MAST2: variants seen among roughly 807,000 people sequenced by gnomAD.
MAST2 encodes the protein microtubule-associated serine/threonine-protein kinase 2.
MAST2 carries 70 observed loss-of-function variants against 147.4 expected under a neutral mutation model. The ratio of observed to expected loss-of-function variants is 0.47; its 90% CI spans 0.39 to 0.58. The LOEUF (loss-of-function observed/expected upper bound fraction) is 0.58. Among genes scored for constraint, MAST2 ranks in the 20% least tolerant of loss-of-function variants. MAST2 has a pLI of 0.00. For missense variants in MAST2, 2,080 were observed against 2,302.3 expected (o/e 0.90, Z 1.98); for synonymous variants, 869 against 896.8 (o/e 0.97, Z 0.55).
chr1:45,855,849 G>A (rs1250172814), intron 3 of MAST2, among the ~76,000 whole-genome samples: 1 of 151,452 alleles, frequency 6.6e-6, no homozygotes, highest in Non-Finnish European at 1.5e-5. Flanking sequence ...TTTCTTTATT[G>A]CTCTGGCTAG....
intron 4 of MAST2, among the ~76,000 whole-genome samples, chr1:45,947,836 C>T (rs1658308007): frequency 6.6e-6 from 1 of 152,214 alleles, no homozygotes; most frequent in Non-Finnish European, 1.5e-5. Flanking sequence ...TCTGCCTCAG[C>T]CTCCCGAGTA....
intron 5 of MAST2, among the ~76,000 whole-genome samples, chr1:45,994,600 C>T (rs114721437): frequency 1.1e-4 from 16 of 152,082 alleles, no homozygotes; most frequent in African/African-American, 3.6e-4. Context: ...CTCAAAGCCC[C>T]AACCCTCCAA....
chr1:45,880,650 C>T (rs1308009552), intron 3 of MAST2, among the ~76,000 whole-genome samples: 4 of 151,930 alleles, frequency 2.6e-5, no homozygotes, highest in African/African-American at 7.2e-5. Context: ...ATAAAATAAG[C>T]GAATTTTACA....
At chr1:46,001,463 T>C (rs955996266) in intron 6 of MAST2, among the ~76,000 whole-genome samples, 12 of 152,248 alleles carry the variant, frequency 7.9e-5, no homozygotes, top group Admixed American at 2.0e-4. Flanking sequence ...CCCTGAGTTA[T>C]ACTTGTCTCA....
intron 4 of MAST2, among the ~76,000 whole-genome samples, chr1:45,902,631 G>C (rs1464423787): frequency 6.6e-6 from 1 of 151,354 alleles, no homozygotes; most frequent in Admixed American, 6.6e-5. Context: ...TTGGTTCGTA[G>C]ATTTTTAAAT....
chr1:45,981,427 A>G (rs1474947805), intron 5 of MAST2, among the ~76,000 whole-genome samples: 1 of 151,692 alleles, frequency 6.6e-6, no homozygotes, highest in Non-Finnish European at 1.5e-5. Flanking sequence ...GAATGGGGGA[A>G]TGTTGAGTAG....
chr1:45,838,232 T>G (rs1570311542), intron 3 of MAST2, among the ~76,000 whole-genome samples: 1 of 107,754 alleles, frequency 9.3e-6, no homozygotes. Context: ...TTTTTTTTTT[T>G]TTTTTGAGAT....
chr1:45,829,544 C>A lies in MAST2; in HGVS notation c.431C>A (p.Ser144Tyr), dbSNP rs1644889730. 1.9e-6 allele frequency: 3 copies of A among 1,614,030 alleles called. No homozygotes were observed. The Admixed American group carries it at 5.0e-5, about 27-fold the overall frequency. The change falls in exon 3 of 29, where the codon TCC becomes TAC. Residue 144 changes from serine to tyrosine, a missense_variant. Ser to Tyr is a moderately radical substitution (Grantham distance 144, BLOSUM62 -2). This residue lies in a region of MAST2 where 569 missense variants were observed against 642.5 expected (regional missense o/e 0.89). Coordinates refer to ENST00000361297, the MANE Select transcript of MAST2 (RefSeq NM_015112.3). ...AACCTGGTTCGAATGAGAAACCAGT[C>A]CCTTGGACAGTCTGCACCTTCTCTT... ...ASNLVRMRNQ[S>Y]LGQSAPSLTA... is the part of the protein sequence containing the mutation.
At chr1:45,968,049 C>T (rs1250474949) in intron 5 of MAST2, among the ~76,000 whole-genome samples, 1 of 152,204 alleles carries the variant, frequency 6.6e-6, no homozygotes, top group Non-Finnish European at 1.5e-5. Flanking sequence ...ACATGAACCT[C>T]ACAGGAAATG....
At chr1:45,842,803 C>T (rs753203493) in intron 3 of MAST2, among the ~76,000 whole-genome samples, 2 of 152,064 alleles carry the variant, frequency 1.3e-5, no homozygotes, top group Non-Finnish European at 2.9e-5. Flanking sequence ...TGGGGATATA[C>T]CTGGGGTGGA....
chr1:45,869,462 G>A (rs181669405), intron 3 of MAST2, among the ~76,000 whole-genome samples: 2 of 152,218 alleles, frequency 1.3e-5, no homozygotes, highest in Admixed American at 6.5e-5. Flanking sequence ...TTGGTGGTCT[G>A]GTGACTGTTT....
chr1:45,897,792 G>T (rs921068003), intron 4 of MAST2, among the ~76,000 whole-genome samples: 2 of 151,320 alleles, frequency 1.3e-5, no homozygotes, highest in Non-Finnish European at 2.9e-5. Flanking sequence ...CTGGGCAACA[G>T]AGCAAGACCC....
chr1:45,930,192 C>T (rs1038202302), intron 4 of MAST2, among the ~76,000 whole-genome samples: 2 of 152,050 alleles, frequency 1.3e-5, no homozygotes, highest in African/African-American at 4.8e-5. Context: ...AATTCTCTGC[C>T]TCAGTCTCCC....
intron 3 of MAST2, among the ~76,000 whole-genome samples, chr1:45,850,875 G>T (rs1485267833): frequency 2.1e-5 from 3 of 140,964 alleles, no homozygotes; most frequent in Non-Finnish European, 3.0e-5. Context: ...TAGCCTTATA[G>T]TATAGTCTGA....
At chr1:45,820,893 C>CTTTTTTTTTTTT (rs769508054) in intron 1 of MAST2, among the ~76,000 whole-genome samples, 208 of 43,046 alleles carry the variant, frequency 4.8e-3, no homozygotes, top group Middle Eastern at 0.042. Context: ...CTTTCTTTCT[C>CTTTTTTTTTTTT]TTTTTTTTTT....
At chr1:45,923,090 G>C (rs913825616) in intron 4 of MAST2, among the ~76,000 whole-genome samples, 1 of 152,110 alleles carries the variant, frequency 6.6e-6, no homozygotes. Context: ...GTGCAAGCAC[G>C]GGACCACCCT....
chr1:45,930,989 G>C (rs1023819354), intron 4 of MAST2, among the ~76,000 whole-genome samples: 1 of 152,106 alleles, frequency 6.6e-6, no homozygotes, highest in African/African-American at 2.4e-5. Context: ...CATCAGCCCT[G>C]AACACTTTAG....
chr1:46,024,095 C>T, intron 15 of MAST2, 115 bp downstream of exon 15: 2 of 988,814 alleles, frequency 2.0e-6, no homozygotes, highest in Non-Finnish European at 3.1e-6. Flanking sequence ...GCTTTCCAGT[C>T]CACCTTTGGC....
chr1:45,895,744 C>T (rs1186454380), intron 4 of MAST2, among the ~76,000 whole-genome samples: 2 of 152,146 alleles, frequency 1.3e-5, no homozygotes, highest in African/African-American at 4.8e-5. Flanking sequence ...AACAGCATAT[C>T]ATCAAAGAGA....
Sources: gnomAD v4.1 joint callset for allele counts (sites outside exome capture counted in the v4.1 genomes callset) on GRCh38, gnomAD v4.1.1 for gene constraint, gnomAD v4.1.1 regional missense constraint, MANE v1.5 for transcripts, NCBI Gene and HGNC (gene_info 2026-07-23, HGNC 2026-07-21) for gene names.